Variants in PTPRO observed in about 807,000 individuals in gnomAD.
PTPRO encodes receptor-type tyrosine-protein phosphatase O.
Under a neutral mutation model 145.2 loss-of-function variants are expected in PTPRO, and 62 were observed. That is an observed-to-expected ratio of 0.43 (90% CI 0.35 to 0.53). PTPRO has a LOEUF of 0.53. Among genes scored for constraint, PTPRO ranks in the 20% least tolerant of loss-of-function variants. PTPRO has a pLI of 0.01. For synonymous variants in PTPRO, 565 were observed against 514.7 expected (o/e 1.10, Z -1.32); for missense variants, 1,345 against 1,482.7 (o/e 0.91, Z 1.53).
At chr12:15,406,306 A>G (rs904474811) in intron 1 of PTPRO, among the ~76,000 whole-genome samples, 1 of 152,226 alleles carries the variant, frequency 6.6e-6, no homozygotes, top group Non-Finnish European at 1.5e-5. Context: ...GTAGGGATAC[A>G]TGCAGAGATA....
chr12:15,519,823 T>C (rs1251738468), intron 9 of PTPRO, among the ~76,000 whole-genome samples: 1 of 152,230 alleles, frequency 6.6e-6, no homozygotes, highest in Admixed American at 6.5e-5. Flanking sequence ...AGGACTCCTG[T>C]TCGTGGTTTA....
intron 1 of PTPRO, among the ~76,000 whole-genome samples, chr12:15,376,358 A>G (rs1475445303): frequency 4.6e-5 from 7 of 152,224 alleles, no homozygotes; most frequent in Non-Finnish European, 5.9e-5. Context: ...CAGCAAAACT[A>G]TCTTTCAAAA....
chr12:15,587,070 T>C lies in PTPRO; in HGVS notation c.3410+19T>C. The C allele has an allele frequency of 6.2e-7, 1 of 1,613,698 alleles. No individual in the cohort carries two copies. The highest frequency in any genetic ancestry group is 8.5e-7 in the Non-Finnish European group (1 of 1,179,754). Reference sequence around the variant, plus strand: ...ACTGCAGGTAACCTCATCAACTGCATTTTCTATTAAATATTAGGAGTTGGT... The same window carrying C: ...ACTGCAGGTAACCTCATCAACTGCACTTTCTATTAAATATTAGGAGTTGGT... On this transcript the variant is annotated intron_variant, in intron 24 of 26. Transcript: ENST00000281171.
At chr12:15,430,195 G>A (rs543649902) in intron 1 of PTPRO, among the ~76,000 whole-genome samples, 21 of 151,684 alleles carry the variant, frequency 1.4e-4, no homozygotes, top group African/African-American at 4.8e-4. Context: ...CAGTTTCAGA[G>A]AGGAGTCCCT....
At chr12:15,534,477 C>T (rs1943027107) in intron 12 of PTPRO, among the ~76,000 whole-genome samples, 1 of 152,128 alleles carries the variant, frequency 6.6e-6, no homozygotes, top group South Asian at 2.1e-4. Flanking sequence ...GCGCTACTTT[C>T]ACTTTCTGTT....
chr12:15,520,141 C>T lies in PTPRO; in HGVS notation c.1780-60C>T, dbSNP rs559197581. The T allele has an allele frequency of 6.2e-6, 7 of 1,123,514 alleles. No homozygotes were observed. In the South Asian group the frequency reaches 7.4e-5, roughly 12 times the overall value. The allele number at this position is 1,123,514 out of a possible 1,614,324, so 69.6% of individuals were successfully genotyped here. ...TTAATTTTTTATGAAAGTAAGTCTA[C>T]TCCAAAAATAGTACTTTCTCCCACA... On this transcript the variant is annotated intron_variant, in intron 9 of 26. Transcript: ENST00000281171.
rs76811176 is a variant in PTPRO, at chr12:15,480,974, G to A, written c.76-3000G>A. Among the ~76,000 whole-genome samples, 620 of 152,298 alleles carry A rather than the reference G, an allele frequency of 4.1e-3. 1 individual carries two copies. Among genetic ancestry groups the A allele is most frequent in the Non-Finnish European group, 6.5e-3 (441 of 68,016 alleles). ...TATATGGTTATTTGCTGGAGAAACA[G>A]TCAGAGAGGAACTTGCATGGCCATA... On this transcript the variant is annotated intron_variant, in intron 1 of 26. Transcript: ENST00000281171.
chr12:15,335,992 G>A (rs1356495779), intron 1 of PTPRO, among the ~76,000 whole-genome samples: 1 of 152,030 alleles, frequency 6.6e-6, no homozygotes, highest in Non-Finnish European at 1.5e-5. Context: ...TTTGAAGTAA[G>A]GTATTCTTAA....
At chr12:15,517,911 G>A (rs766732272) in intron 9 of PTPRO, among the ~76,000 whole-genome samples, 2 of 152,206 alleles carry the variant, frequency 1.3e-5, no homozygotes, top group South Asian at 4.1e-4. Context: ...AGTGCAAGCT[G>A]TCAGTGGATC....
chr12:15,456,806 G>A (rs898262494), intron 1 of PTPRO, among the ~76,000 whole-genome samples: 1 of 152,022 alleles, frequency 6.6e-6, no homozygotes, highest in African/African-American at 2.4e-5. Context: ...CAATTACAAT[G>A]TCTCTGCTTC....
chr12:15,337,178 T>G (rs573224962), intron 1 of PTPRO, among the ~76,000 whole-genome samples: 1 of 152,140 alleles, frequency 6.6e-6, no homozygotes, highest in African/African-American at 2.4e-5. Context: ...GCAGGAATAG[T>G]AGAGACTTCA....
intron 22 of PTPRO, among the ~76,000 whole-genome samples, chr12:15,581,073 A>G (rs1410022827): frequency 1.3e-5 from 2 of 152,188 alleles, no homozygotes; most frequent in African/African-American, 4.8e-5. Flanking sequence ...GAAATATTGC[A>G]TATTGTTTTG....
chr12:15,583,690 C>G (rs1307393986), intron 23 of PTPRO, among the ~76,000 whole-genome samples: 1 of 152,128 alleles, frequency 6.6e-6, no homozygotes, highest in East Asian at 1.9e-4. Context: ...TCTGCAAAAA[C>G]TAAAATATTT....
chr12:15,473,743 G>A (rs1327131226), intron 1 of PTPRO, among the ~76,000 whole-genome samples: 1 of 144,596 alleles, frequency 6.9e-6, no homozygotes, highest in Non-Finnish European at 1.5e-5. Flanking sequence ...CTCCAGCCTG[G>A]GCAACAGAGT....
chr12:15,370,769 A>T (rs1330012530), intron 1 of PTPRO, among the ~76,000 whole-genome samples: 1 of 152,222 alleles, frequency 6.6e-6, no homozygotes, highest in African/African-American at 2.4e-5. Flanking sequence ...TCCACTAAGG[A>T]ATCTAACCTG....
intron 1 of PTPRO, among the ~76,000 whole-genome samples, chr12:15,455,780 T>C (rs1941162063): frequency 6.6e-6 from 1 of 152,216 alleles, no homozygotes; most frequent in Non-Finnish European, 1.5e-5. Context: ...GTTTTCTATA[T>C]ATCAGGTAAT....
intron 10 of PTPRO, 131 bp from the exon 11 acceptor site, chr12:15,524,683 G>T (rs1250432146): frequency 9.3e-6 from 9 of 971,802 alleles, no homozygotes; most frequent in Non-Finnish European, 1.4e-5. Flanking sequence ...AGGTCCTGAA[G>T]TTACCGGGAC....
At chr12:15,456,991 T>A (rs1941194786) in intron 1 of PTPRO, among the ~76,000 whole-genome samples, 1 of 152,232 alleles carries the variant, frequency 6.6e-6, no homozygotes, top group South Asian at 2.1e-4. Context: ...ATTTTCTTCC[T>A]TCTGCTAATT....
intron 1 of PTPRO, among the ~76,000 whole-genome samples, chr12:15,323,462 T>C (rs1266746038): frequency 6.6e-6 from 1 of 152,208 alleles, no homozygotes; most frequent in Non-Finnish European, 1.5e-5. Flanking sequence ...AATAAACTTT[T>C]TCGTATCTTC....
Sources: allele counts gnomAD v4.1 joint callset (sites outside exome capture counted in the v4.1 genomes callset), GRCh38; gene constraint gnomAD v4.1.1; transcripts MANE v1.5; gene names NCBI Gene and HGNC (gene_info 2026-07-23, HGNC 2026-07-21).